Variants in CFDP1 observed in about 807,000 individuals in gnomAD.
The protein encoded by CFDP1 is heterochromatin-stabilizing protein CFDP1.
In CFDP1, 31 loss-of-function variants were observed where a neutral mutation model predicts 40.1. The observed-to-expected ratio is 0.77, with a 90% CI of 0.58 to 1.04. CFDP1 has a LOEUF of 1.04. Ranked by LOEUF, CFDP1 falls within the 50% of genes least tolerant of loss-of-function variation. CFDP1 has a pLI of 0.00. For synonymous variants in CFDP1, 167 were observed against 120.0 expected (o/e 1.39, Z -2.56); for missense variants, 423 against 343.4 (o/e 1.23, Z -1.83).
intron 5 of CFDP1, among the ~76,000 whole-genome samples, chr16:75,372,975 CTTG>C (rs1187415385): frequency 6.6e-6 from 1 of 152,162 alleles, no homozygotes; most frequent in African/African-American, 2.4e-5. Context: ...AATTCAACAT[CTTG>C]TTGTTTTAAA....
intron 5 of CFDP1, among the ~76,000 whole-genome samples, chr16:75,390,507 G>T (rs7206269): frequency 6.6e-6 from 1 of 152,146 alleles, no homozygotes; most frequent in Non-Finnish European, 1.5e-5. Context: ...CCTGCCTCCC[G>T]ATTCTGCTAA....
intron 5 of CFDP1, among the ~76,000 whole-genome samples, chr16:75,326,619 G>C (rs1269366987): frequency 1.3e-5 from 2 of 152,186 alleles, no homozygotes; most frequent in Admixed American, 6.5e-5. Flanking sequence ...GCTAGAAAAA[G>C]ACACAAAAAG....
intron 5 of CFDP1, among the ~76,000 whole-genome samples, chr16:75,361,870 A>G (rs1310186950): frequency 2.6e-5 from 4 of 152,070 alleles, no homozygotes; most frequent in Non-Finnish European, 4.4e-5. Context: ...ATTTGTTTTC[A>G]GAATTTTACT....
intron 5 of CFDP1, among the ~76,000 whole-genome samples, chr16:75,375,576 C>G (rs8049611): frequency 0.83 from 126,072 of 151,992 alleles, 52,441 homozygotes; most frequent in Middle Eastern, 0.9. Context: ...TGGATCACCT[C>G]AGGTCAGGAG....
At chr16:75,427,905 G>C (rs528962336) in intron 1 of CFDP1, among the ~76,000 whole-genome samples, 3 of 152,334 alleles carry the variant, frequency 2.0e-5, no homozygotes, top group African/African-American at 7.2e-5. Flanking sequence ...CCCAACAACA[G>C]AAGGAGCTAA....
intron 5 of CFDP1, among the ~76,000 whole-genome samples, chr16:75,355,206 A>T (rs1369736635): frequency 1.3e-5 from 2 of 152,212 alleles, no homozygotes; most frequent in Non-Finnish European, 2.9e-5. Flanking sequence ...ATGACTGATC[A>T]GGGTAGTGGT....
chr16:75,391,246 T>C (rs943764801), intron 5 of CFDP1: 3 of 152,256 alleles, frequency 2.0e-5, no homozygotes, highest in African/African-American at 7.2e-5. Flanking sequence ...GTAAAAACTG[T>C]GTTAGCTGAA....
intron 5 of CFDP1, among the ~76,000 whole-genome samples, chr16:75,313,937 T>A (rs921543185): frequency 6.6e-6 from 1 of 152,198 alleles, no homozygotes; most frequent in African/African-American, 2.4e-5. Flanking sequence ...CAAGCTACAG[T>A]GCAGTGGTGC....
chr16:75,333,789 T>C (rs758115856), intron 5 of CFDP1, among the ~76,000 whole-genome samples: 3 of 152,096 alleles, frequency 2.0e-5, no homozygotes, highest in Admixed American at 6.5e-5. Context: ...TTTTTTGAAA[T>C]AGAGGGAAGT....
At chr16:75,394,147 G>T (rs940871468) in intron 5 of CFDP1, among the ~76,000 whole-genome samples, 1 of 152,192 alleles carries the variant, frequency 6.6e-6, no homozygotes, top group Non-Finnish European at 1.5e-5. Flanking sequence ...TGACTGAAGG[G>T]CCACAGAAGC....
intron 5 of CFDP1, among the ~76,000 whole-genome samples, chr16:75,389,980 T>A (rs895508972): frequency 6.6e-6 from 1 of 152,224 alleles, no homozygotes; most frequent in African/African-American, 2.4e-5. Context: ...CACAGTATCA[T>A]AATTAAACAC....
rs149874708 is a variant in CFDP1 at position 75,325,427 on chromosome 16, G to C, written c.651-20245C>G. Among the ~76,000 whole-genome samples the C allele has an allele frequency of 1.5e-3, 221 of 152,286 alleles. 2 individuals carry two copies. The highest frequency in any genetic ancestry group is 5.1e-3 in the African/African-American group (210 of 41,548). ...GGTCAAATCTCCATTTCTCAATGAG[G>C]CTTATGCTGATCATCCTATTTAATA... On this transcript the variant is annotated intron_variant, in intron 5 of 6. Coordinates refer to ENST00000283882, the MANE Select transcript of CFDP1 (RefSeq NM_006324.3).
At chr16:75,327,135 C>T (rs1040647813) in intron 5 of CFDP1, among the ~76,000 whole-genome samples, 5 of 152,054 alleles carry the variant, frequency 3.3e-5, no homozygotes, top group African/African-American at 7.2e-5. Flanking sequence ...GGCGTGGTGG[C>T]GGACGCCTGT....
intron 5 of CFDP1, among the ~76,000 whole-genome samples, chr16:75,358,422 T>TA (rs1159196740): frequency 1.3e-5 from 2 of 152,080 alleles, no homozygotes; most frequent in African/African-American, 4.8e-5. Context: ...GCTTTTTTAA[T>TA]AAAAAAATGA....
chr16:75,369,788 T>C (rs150594626), intron 5 of CFDP1, among the ~76,000 whole-genome samples: 15 of 152,310 alleles, frequency 9.8e-5, no homozygotes, highest in African/African-American at 3.4e-4. Flanking sequence ...AGTCTCACTG[T>C]GTCACCCAGG....
Position 75,412,440 on chromosome 16 carries a change from A to C in CFDP1, c.402+95T>G, listed in dbSNP as rs1247585027. 8 of 913,180 alleles carry C rather than the reference A, an allele frequency of 8.8e-6. No homozygotes were observed. In the East Asian group the frequency reaches 1.9e-4, roughly 22 times the overall value. 56.6% of individuals were successfully genotyped at this position (913,180 alleles called of 1,614,324 possible). On this transcript the variant is annotated intron_variant, in intron 3 of 6. Transcript: ENST00000283882. ...TTGCTTTTCACTTAGTACAATTGTT[A>C]TCAAAAGGCATCTGGTCGATTTCCG...
intron 5 of CFDP1, among the ~76,000 whole-genome samples, chr16:75,314,575 C>A (rs1406420548): frequency 6.6e-6 from 1 of 152,026 alleles, no homozygotes; most frequent in African/African-American, 2.4e-5. Context: ...TAGTGATGCA[C>A]AATTCTGCAA....
chr16:75,362,706 G>A (rs967197666), intron 5 of CFDP1, among the ~76,000 whole-genome samples: 5 of 152,018 alleles, frequency 3.3e-5, no homozygotes, highest in African/African-American at 1.2e-4. Context: ...TCCTAAGAGG[G>A]AAAAGAATTG....
rs35633915 is a variant in CFDP1 at position 75,375,056 on chromosome 16, T to TAA, written c.650+20032_650+20033dup. Among the ~76,000 whole-genome samples, 120 of 148,222 alleles carry TAA rather than the reference T, an allele frequency of 8.1e-4. 3 individuals are homozygous for TAA. The highest frequency in any genetic ancestry group is 5.3e-3 in the South Asian group (25 of 4,706). ...CACGCATATATTGCTTCTATGTTTC[T>TAA]AAAAAAAAAACCTAAATGTGTCCAT... On this transcript the variant is annotated intron_variant, in intron 5 of 6. Transcript: ENST00000283882.
Sources: gnomAD v4.1 joint callset for allele counts (sites outside exome capture counted in the v4.1 genomes callset) on GRCh38, gnomAD v4.1.1 for gene constraint, MANE v1.5 for transcripts, NCBI Gene and HGNC (gene_info 2026-07-23, HGNC 2026-07-21) for gene names.